TRDN: variants seen among roughly 807,000 people sequenced by gnomAD.
TRDN encodes triadin in skeletal muscle.
Under a neutral mutation model 149.7 loss-of-function variants are expected in TRDN, and 161 were observed. The ratio of observed to expected loss-of-function variants is 1.08; its 90% CI spans 0.95 to 1.23. The LOEUF (loss-of-function observed/expected upper bound fraction) is 1.23, where lower values mean the gene tolerates loss of function less well. TRDN is among the 50% of genes most tolerant of loss of function. The pLI, the probability that TRDN is intolerant of heterozygous loss-of-function variation, is 0.00. For synonymous variants in TRDN, 294 were observed against 250.5 expected, an observed-to-expected ratio of 1.17 and a Z score of -1.64; for missense variants, 896 against 823.5, an observed-to-expected ratio of 1.09 and a Z score of -1.08.
intron 12 of TRDN, among the ~76,000 whole-genome samples, chr6:123,413,436 A>T (rs1006877679): frequency 2.6e-5 from 4 of 152,244 alleles, no homozygotes; most frequent in African/African-American, 9.6e-5. Flanking sequence ...ACCAGAAAGT[A>T]CTGGTTATAA....
chr6:123,433,811 A>G (rs1774439756), intron 12 of TRDN: 1 of 152,176 alleles, frequency 6.6e-6, no homozygotes, highest in Non-Finnish European at 1.5e-5. Flanking sequence ...CCAACCCAAG[A>G]GCAATGGGTC....
chr6:123,306,847 TA>T (rs1441592139), intron 24 of TRDN, among the ~76,000 whole-genome samples: 2 of 152,034 alleles, frequency 1.3e-5, no homozygotes, highest in African/African-American at 4.8e-5. Context: ...TCTTTATTTT[TA>T]CTTCAAATGC....
chr6:123,516,983 A>G (rs1438818114), intron 5 of TRDN, among the ~76,000 whole-genome samples: 5 of 152,030 alleles, frequency 3.3e-5, no homozygotes, highest in Admixed American at 3.3e-4. Context: ...TCATTTATTT[A>G]TACAAGAATA....
At chr6:123,358,641 A>ATTGTT (rs59422811) in intron 20 of TRDN, among the ~76,000 whole-genome samples, 99 of 151,162 alleles carry the variant, frequency 6.5e-4, no homozygotes, top group African/African-American at 1.7e-3. Flanking sequence ...ATTTTTTTGT[A>ATTGTT]TTGTTTTGTT....
chr6:123,379,203 CAT>C (rs1781622721), intron 16 of TRDN, among the ~76,000 whole-genome samples: 1 of 152,102 alleles, frequency 6.6e-6, no homozygotes, highest in Admixed American at 6.6e-5. Context: ...TATAGAGTGT[CAT>C]AGAATGCTAC....
At chr6:123,334,774 T>C (rs1779800993) in intron 22 of TRDN, among the ~76,000 whole-genome samples, 1 of 152,022 alleles carries the variant, frequency 6.6e-6, no homozygotes, top group Non-Finnish European at 1.5e-5. Context: ...AGCCTAATAA[T>C]GTATCTCTGA....
chr6:123,614,407 T>C (rs1562427540), intron 1 of TRDN, among the ~76,000 whole-genome samples: 1 of 151,256 alleles, frequency 6.6e-6, no homozygotes. Flanking sequence ...AATGTTATTC[T>C]AGAATAGAAA....
chr6:123,249,228 A>G (rs569610956), intron 38 of TRDN, among the ~76,000 whole-genome samples: 7 of 152,266 alleles, frequency 4.6e-5, no homozygotes, highest in African/African-American at 1.2e-4. Flanking sequence ...TTAAAACCAT[A>G]ATAAGATACT....
chr6:123,413,488 C>T lies in TRDN; in HGVS notation c.1052-19811G>A, dbSNP rs541212625. Among the ~76,000 whole-genome samples the T allele has an allele frequency of 1.4e-4, 21 of 152,064 alleles. 1 individual carries two copies. In the South Asian group the frequency reaches 4.4e-3, roughly 32 times the overall value. ...TGTTTCTAAAGGGTGTAGAATTGAC[C>T]ATTACTCAAAATTACTTAGGAGTAT... is the stretch of plus-strand genomic sequence containing the variant. On this transcript the variant is annotated intron_variant, in intron 12 of 40. Transcript: ENST00000334268.
chr6:123,631,190 A>G (rs2114741819), intron 1 of TRDN, among the ~76,000 whole-genome samples: 1 of 151,826 alleles, frequency 6.6e-6, no homozygotes, highest in South Asian at 2.1e-4. Context: ...GAGTCAGACT[A>G]ATCAGGTTTA....
intron 20 of TRDN, among the ~76,000 whole-genome samples, chr6:123,355,194 C>T (rs917034193): frequency 4.6e-5 from 7 of 151,568 alleles, no homozygotes; most frequent in Admixed American, 2.6e-4. Context: ...CACATACACA[C>T]ATATATACAT....
In TRDN at chr6:123,224,046, T is replaced by C. The variant is rs1775263688; in HGVS notation, c.2014+47A>G. On this transcript the variant is annotated intron_variant, in intron 39 of 40. Transcript: ENST00000334268. ...AAAAAAAAGACAGACAAAAACCTTATAGCTTTGAGAGAAAACTTGTAAATG... is the reference window on the plus strand; with the variant it reads ...AAAAAAAAGACAGACAAAAACCTTACAGCTTTGAGAGAAAACTTGTAAATG... 10 of 1,559,244 alleles carry C rather than the reference T, an allele frequency of 6.4e-6. No homozygotes were observed. The East Asian group carries it at 6.8e-5, about 11-fold the overall frequency.
intron 1 of TRDN, among the ~76,000 whole-genome samples, chr6:123,574,190 TA>T (rs1358430086): frequency 6.6e-6 from 1 of 151,976 alleles, no homozygotes; most frequent in Non-Finnish European, 1.5e-5. Context: ...ATAATTTAAT[TA>T]AGATGTTTAA....
chr6:123,571,974 A>C (rs564544144), intron 1 of TRDN, among the ~76,000 whole-genome samples: 25 of 152,272 alleles, frequency 1.6e-4, no homozygotes, highest in African/African-American at 6.0e-4. Flanking sequence ...CTTTAGGAGA[A>C]AGTCCTAAAT....
intron 22 of TRDN, among the ~76,000 whole-genome samples, chr6:123,333,226 G>A (rs868793814): frequency 1.3e-5 from 2 of 151,964 alleles, no homozygotes; most frequent in African/African-American, 2.4e-5. Flanking sequence ...GACTCCCAGT[G>A]GGGCAGGAGA....
intron 12 of TRDN, among the ~76,000 whole-genome samples, chr6:123,397,953 A>C (rs893617360): frequency 2.0e-5 from 3 of 152,230 alleles, no homozygotes; most frequent in Admixed American, 2.0e-4. Flanking sequence ...ACAGCTTTAA[A>C]GCTGTCTCTT....
chr6:123,454,808 A>T (rs1404356440), intron 10 of TRDN, among the ~76,000 whole-genome samples: 1 of 152,222 alleles, frequency 6.6e-6, no homozygotes, highest in Non-Finnish European at 1.5e-5. Flanking sequence ...CTAATGCCTG[A>T]TGATCTGAAG....
intron 24 of TRDN, among the ~76,000 whole-genome samples, chr6:123,282,854 T>C (rs1777633411): frequency 6.6e-6 from 1 of 151,906 alleles, no homozygotes; most frequent in East Asian, 1.9e-4. Flanking sequence ...GTAATATTAT[T>C]TGGGGCATAT....
At chr6:123,365,130 C>T (rs1582922490) in intron 20 of TRDN, among the ~76,000 whole-genome samples, 1 of 152,096 alleles carries the variant, frequency 6.6e-6, no homozygotes, top group South Asian at 2.1e-4. Context: ...TTAGCCCTAT[C>T]TACTGTAAAT....
Sources: gnomAD v4.1 joint callset for allele counts (sites outside exome capture counted in the v4.1 genomes callset) on GRCh38, gnomAD v4.1.1 for gene constraint, MANE v1.5 for transcripts, NCBI Gene and HGNC (gene_info 2026-07-23, HGNC 2026-07-21) for gene names.